GRIN2A: variants seen among roughly 807,000 people sequenced by gnomAD.
The protein encoded by GRIN2A is glutamate receptor ionotropic, NMDA 2A.
Under a neutral mutation model 113.4 loss-of-function variants are expected in GRIN2A, and 22 were observed. That is an observed-to-expected ratio of 0.19 (90% confidence interval 0.14 to 0.28). GRIN2A has a LOEUF of 0.28. GRIN2A is among the 10% of genes least tolerant of loss of function. The pLI is 1.00. For missense variants in GRIN2A, 1,502 were observed against 1,887.0 expected, an observed-to-expected ratio of 0.80 and a Z score of 3.78; for synonymous variants, 827 against 738.4, an observed-to-expected ratio of 1.12 and a Z score of -1.94.
chr16:9,980,385 G>A (rs1405727586), intron 2 of GRIN2A, among the ~76,000 whole-genome samples: 1 of 152,134 alleles, frequency 6.6e-6, no homozygotes, highest in Non-Finnish European at 1.5e-5. Flanking sequence ...TTACACTGTT[G>A]GTGGGACTGT....
At chr16:10,010,177 G>A (rs543429723) in intron 2 of GRIN2A, among the ~76,000 whole-genome samples, 23 of 152,214 alleles carry the variant, frequency 1.5e-4, no homozygotes, top group African/African-American at 4.8e-4. Flanking sequence ...GAACAGCAAG[G>A]CCTACCTGGT....
chr16:9,862,999 A>T (rs1396776174), intron 4 of GRIN2A, among the ~76,000 whole-genome samples: 3 of 152,160 alleles, frequency 2.0e-5, no homozygotes, highest in Non-Finnish European at 4.4e-5. Context: ...ATCCTCTGAT[A>T]AAAACGCCAT....
rs58250644 is a variant in GRIN2A, at chr16:10,025,294, C to CT, written c.415-86744dup. 1.2e-4 allele frequency among the ~76,000 whole-genome samples: 11 copies of CT among 88,054 alleles called. No individual in the cohort carries two copies. In the East Asian group the frequency reaches 2.6e-3, roughly 21 times the overall value. The allele number at this position is 88,054 out of a possible 152,430, so 57.8% of individuals were successfully genotyped here. A position where few individuals can be genotyped will look rare whatever the true frequency, so the allele number is the denominator to read the frequency against. The stretch of plus-strand genomic sequence containing the variant: ...TGCCAGATCAGGGACGCAGCAGGGT[C>CT]TTTTTTTTTTTTTTTTTTTTTTTTT... On this transcript the variant is annotated intron_variant, in intron 2 of 12. Transcript: ENST00000330684.
chr16:10,154,540 G>A (rs1256243312), intron 2 of GRIN2A, among the ~76,000 whole-genome samples: 2 of 152,214 alleles, frequency 1.3e-5, no homozygotes, highest in Non-Finnish European at 2.9e-5. Context: ...TCAGTGCCCT[G>A]AACTGTGTGC....
chr16:9,918,753 C>T (rs190636894), intron 3 of GRIN2A, among the ~76,000 whole-genome samples: 35 of 151,564 alleles, frequency 2.3e-4, no homozygotes, highest in Non-Finnish European at 7.4e-5. Flanking sequence ...GGGTATAATA[C>T]ATCAACTAAT....
chr16:9,927,097 A>G (rs2044482520), intron 3 of GRIN2A, among the ~76,000 whole-genome samples: 1 of 152,180 alleles, frequency 6.6e-6, no homozygotes, highest in Non-Finnish European at 1.5e-5. Flanking sequence ...CTTATCTGTA[A>G]TATGAATCAT....
intron 2 of GRIN2A, among the ~76,000 whole-genome samples, chr16:10,021,745 C>G (rs1431149324): frequency 1.3e-5 from 2 of 151,690 alleles, no homozygotes; most frequent in Non-Finnish European, 2.9e-5. Flanking sequence ...GTTGTCTCCC[C>G]TGTCAGGGGA....
At chr16:9,806,081 T>G (rs2041960172) in intron 10 of GRIN2A, among the ~76,000 whole-genome samples, 1 of 152,374 alleles carries the variant, frequency 6.6e-6, no homozygotes, top group Non-Finnish European at 1.5e-5. Context: ...TCCCTTAAGC[T>G]AATTTAATTC....
chr16:10,159,404 G>C (rs2049767577), intron 2 of GRIN2A, among the ~76,000 whole-genome samples: 1 of 152,322 alleles, frequency 6.6e-6, no homozygotes, highest in African/African-American at 2.4e-5. Context: ...CAGGGCAAGA[G>C]GTTGAGGCTA....
chr16:9,761,081 C>T lies in GRIN2A; in HGVS notation c.*2068G>A, dbSNP rs1044225773. On this transcript the variant is annotated 3_prime_UTR_variant, in exon 13 of 13. Transcript: ENST00000330684. ...CACCTAGTCAGCCCCTTCTGCCTTT[C>T]AAAAATGAAAGGAAGCTCCTCTCAC... is the stretch of plus-strand genomic sequence containing the variant. The T allele has an allele frequency of 4.3e-6, 1 of 232,838 alleles. No homozygotes were observed. The highest frequency in any genetic ancestry group is 8.5e-6 in the Non-Finnish European group (1 of 117,794). 14.4% of individuals were successfully genotyped at this position (232,838 alleles called of 1,614,324 possible).
chr16:10,040,288 C>T (rs1228515971), intron 2 of GRIN2A, among the ~76,000 whole-genome samples: 3 of 150,166 alleles, frequency 2.0e-5, no homozygotes, highest in African/African-American at 7.4e-5. Context: ...AACACATCCA[C>T]GTCATGCACA....
chr16:10,074,451 T>C (rs8062241), intron 2 of GRIN2A, among the ~76,000 whole-genome samples: 21,209 of 152,170 alleles, frequency 0.14, 1,991 homozygotes, highest in African/African-American at 0.26. Flanking sequence ...GCAGCATTAC[T>C]GATAGCAGCC....
chr16:9,831,876 C>G (rs184503109), intron 8 of GRIN2A, among the ~76,000 whole-genome samples: 68 of 152,006 alleles, frequency 4.5e-4, no homozygotes, highest in Admixed American at 4.2e-3. Context: ...GCCTATCTCT[C>G]TGATTTCATC....
chr16:10,152,449 T>A (rs1162162062), intron 2 of GRIN2A, among the ~76,000 whole-genome samples: 1 of 152,196 alleles, frequency 6.6e-6, no homozygotes, highest in African/African-American at 2.4e-5. Flanking sequence ...ATGGATCCCA[T>A]GTGCCAATCT....
chr16:9,796,993 G>A (rs1377845237), intron 11 of GRIN2A, among the ~76,000 whole-genome samples: 1 of 152,236 alleles, frequency 6.6e-6, no homozygotes, highest in Non-Finnish European at 1.5e-5. Context: ...AACACATTTA[G>A]AATGCCTGAT....
chr16:10,102,305 G>A (rs1341170865), intron 2 of GRIN2A, among the ~76,000 whole-genome samples: 1 of 152,148 alleles, frequency 6.6e-6, no homozygotes, highest in Non-Finnish European at 1.5e-5. Context: ...ATGAGATTTG[G>A]TTGTTTAAAA....
intron 3 of GRIN2A, among the ~76,000 whole-genome samples, chr16:9,912,891 C>A (rs10492828): frequency 0.012 from 1,847 of 152,270 alleles, 21 homozygotes; most frequent in African/African-American, 0.043. Context: ...TGGGAGGATT[C>A]CAAGGCAGAT....
At chr16:10,138,245 C>A (rs1268942154) in intron 2 of GRIN2A, among the ~76,000 whole-genome samples, 1 of 152,172 alleles carries the variant, frequency 6.6e-6, no homozygotes, top group Non-Finnish European at 1.5e-5. Flanking sequence ...GAGTTTGAAA[C>A]CACATTCGAT....
At chr16:10,010,550 T>A (rs1489700891) in intron 2 of GRIN2A, among the ~76,000 whole-genome samples, 1 of 152,200 alleles carries the variant, frequency 6.6e-6, no homozygotes, top group African/African-American at 2.4e-5. Context: ...TAAAATTAAA[T>A]AAGATCATGT....
Sources: allele counts gnomAD v4.1 joint callset (sites outside exome capture counted in the v4.1 genomes callset), GRCh38; gene constraint gnomAD v4.1.1; transcripts MANE v1.5; gene names NCBI Gene and HGNC (gene_info 2026-07-23, HGNC 2026-07-21).